The following PTPN5 variants were observed in gnomAD, a reference collection of about 807,000 sequenced individuals.
PTPN5 encodes the protein tyrosine-protein phosphatase non-receptor type 5.
In PTPN5, 29 loss-of-function variants were observed where a neutral mutation model predicts 73.9. That is an observed-to-expected ratio of 0.39 (90% confidence interval 0.29 to 0.54). The LOEUF (loss-of-function observed/expected upper bound fraction) is 0.54, where lower values mean the gene tolerates loss of function less well. Among genes scored for constraint, PTPN5 ranks in the 20% least tolerant of loss-of-function variants. The pLI, the probability that PTPN5 is intolerant of heterozygous loss-of-function variation, is 0.65. For missense variants in PTPN5, 652 were observed against 751.4 expected, an observed-to-expected ratio of 0.87 and a Z score of 1.55; for synonymous variants, 267 against 304.7, an observed-to-expected ratio of 0.88 and a Z score of 1.29.
At chr11:18,767,451 C>G (rs1850690809) in intron 2 of PTPN5, among the ~76,000 whole-genome samples, 1 of 152,230 alleles carries the variant, frequency 6.6e-6, no homozygotes, top group African/African-American at 2.4e-5. Context: ...TCTGGAGTCC[C>G]TCCACATTTC....
In PTPN5 at chr11:18,733,990, G is replaced by A. The variant is rs915216423; in HGVS notation, c.1001-355C>T. Among the ~76,000 whole-genome samples the A allele has an allele frequency of 7.9e-5, 12 of 152,350 alleles. No individual in the cohort carries two copies. The highest frequency in any genetic ancestry group is 2.1e-4 in the South Asian group (1 of 4,830). On this transcript the variant is annotated intron_variant, in intron 9 of 14. Transcript: ENST00000358540. The surrounding 1 kb of genome is among the most constrained non-coding windows in gnomAD (Gnocchi z 4.3). ...CCTGTACAGATCTTGTTCAGCAAGA[G>A]ACAGCTAGCTTGAGTACACACTGTC...
chr11:18,735,110 C>A (rs921275996), intron 9 of PTPN5, among the ~76,000 whole-genome samples: 2 of 152,182 alleles, frequency 1.3e-5, no homozygotes, highest in South Asian at 4.1e-4. Context: ...AGGACCAACA[C>A]GAAGTATCAG....
chr11:18,753,302 T>C (rs1849977313), intron 3 of PTPN5, among the ~76,000 whole-genome samples: 1 of 152,200 alleles, frequency 6.6e-6, no homozygotes, highest in African/African-American at 2.4e-5. Context: ...TCTCTGGCTG[T>C]GTGATCTTCG....
At chr11:18,747,768 C>T (rs566704069) in intron 3 of PTPN5, among the ~76,000 whole-genome samples, 1 of 152,282 alleles carries the variant, frequency 6.6e-6, no homozygotes, top group South Asian at 2.1e-4. Flanking sequence ...TATAATCTCA[C>T]TGACCTTAAA....
intron 9 of PTPN5, among the ~76,000 whole-genome samples, chr11:18,736,562 A>C (rs1590492178): frequency 6.6e-6 from 1 of 152,010 alleles, no homozygotes; most frequent in African/African-American, 2.4e-5. Flanking sequence ...GAGAGAACAA[A>C]CCTCAGCGCG....
intron 1 of PTPN5, among the ~76,000 whole-genome samples, chr11:18,787,993 A>G (rs1472333659): frequency 6.6e-6 from 1 of 152,148 alleles, no homozygotes; most frequent in Non-Finnish European, 1.5e-5. Flanking sequence ...GTAGATTCAT[A>G]GTCCCTACTC....
intron 1 of PTPN5, among the ~76,000 whole-genome samples, chr11:18,785,706 C>A (rs554934877): frequency 6.6e-6 from 1 of 152,118 alleles, no homozygotes; most frequent in Non-Finnish European, 1.5e-5. Context: ...GAATGGGAGG[C>A]GAGGGGCTGT....
intron 3 of PTPN5, among the ~76,000 whole-genome samples, chr11:18,753,622 T>C (rs2134259250): frequency 6.6e-6 from 1 of 152,292 alleles, no homozygotes; most frequent in South Asian, 2.1e-4. Flanking sequence ...TTGGAACCAG[T>C]ATGGGAAGCA....
At chr11:18,743,452 G>A in intron 4 of PTPN5, 23 bp from the exon 5 acceptor site, 2 of 1,603,108 alleles carry the variant, frequency 1.2e-6, no homozygotes, top group Non-Finnish European at 1.7e-6. Context: ...GGAGCAGGCT[G>A]AGTATGGAGC....
Position 18,729,109 on chromosome 11 carries a change from A to C in PTPN5, c.1605-82T>G. The C allele has an allele frequency of 6.9e-7, 1 of 1,442,198 alleles. No homozygotes were observed. 89.3% of individuals were successfully genotyped at this position (1,442,198 alleles called of 1,614,324 possible). ...GTGCCCCAAAAGCCATGGAGTAGCAATCACTTGCCAGGCCTTGCCCCTGTG... is the reference window on the plus strand; with the variant it reads ...GTGCCCCAAAAGCCATGGAGTAGCACTCACTTGCCAGGCCTTGCCCCTGTG... On this transcript the variant is annotated intron_variant, in intron 14 of 14. Transcript: ENST00000358540. This position sits in a 1 kb window ranked among gnomAD's most constrained non-coding sequence, Gnocchi z 5.2.
chr11:18,737,569 AAG>A (rs1849169920), intron 9 of PTPN5, among the ~76,000 whole-genome samples: 2 of 152,284 alleles, frequency 1.3e-5, no homozygotes, highest in Middle Eastern at 6.8e-3. Flanking sequence ...CCACTCTGAA[AAG>A]AGTTTCGGTT....
intron 2 of PTPN5, among the ~76,000 whole-genome samples, chr11:18,768,789 G>C (rs1300344474): frequency 6.6e-6 from 1 of 152,230 alleles, no homozygotes; most frequent in East Asian, 1.9e-4. Flanking sequence ...ACTGTCCAGA[G>C]GAGGGTTTAA....
At chr11:18,753,633 GAA>G (rs1849993912) in intron 3 of PTPN5, among the ~76,000 whole-genome samples, 1 of 152,204 alleles carries the variant, frequency 6.6e-6, no homozygotes, top group African/African-American at 2.4e-5. Flanking sequence ...ATGGGAAGCA[GAA>G]AAGTCTGGAA....
At chr11:18,772,370 G>A (rs1037711113) in intron 1 of PTPN5, among the ~76,000 whole-genome samples, 1 of 152,190 alleles carries the variant, frequency 6.6e-6, no homozygotes, top group Non-Finnish European at 1.5e-5. Context: ...GAATGAATAG[G>A]CTCTGAGCCC....
rs1278386834 is a variant in PTPN5, at chr11:18,743,004, G to A, written c.471C>T (p.Leu157=). 1 of 1,551,126 alleles carries A rather than the reference G, an allele frequency of 6.4e-7. No individual in the cohort carries two copies. Among genetic ancestry groups the A allele is most frequent in the Non-Finnish European group, 8.7e-7 (1 of 1,146,458 alleles). The stretch of plus-strand genomic sequence containing the variant: ...GGAGGCGCCTTACCAGGGTGGTAAC[G>A]AGGACCAGGCCCACGGACAGAAAGA... The part of the protein sequence containing the change: ...LLVFLSVGLV[L]VTTLVWHLLR... Residue 157 remains leucine (L), a synonymous_variant, in exon 6 of 15, where the codon CTC becomes CTT. Coordinates refer to ENST00000358540, the MANE Select transcript of PTPN5 (RefSeq NM_006906.2).
rs767195242 is a variant in PTPN5, at chr11:18,729,434, C to G, written c.1604+19G>C. 1.1e-5 allele frequency: 13 copies of G among 1,235,990 alleles called. 1 individual carries two copies. The South Asian group carries it at 1.3e-4, about 12-fold the overall frequency. The allele number at this position is 1,235,990 out of a possible 1,614,324, so 76.6% of individuals were successfully genotyped here. A position where few individuals can be genotyped will look rare whatever the true frequency, so the allele number is the denominator to read the frequency against. On this transcript the variant is annotated intron_variant, in intron 14 of 14. Transcript: ENST00000358540. This position sits in a 1 kb window ranked among gnomAD's most constrained non-coding sequence, Gnocchi z 5.2. ...GCTCTAGCTCCCTTGTGTGTCCCCACTCCCGCCCGTGGGCTGACCTGTCCT... is the reference window on the plus strand; with the variant it reads ...GCTCTAGCTCCCTTGTGTGTCCCCAGTCCCGCCCGTGGGCTGACCTGTCCT...
chr11:18,730,540 C>A (rs1848828608), intron 12 of PTPN5: 1 of 152,242 alleles, frequency 6.6e-6, no homozygotes, highest in South Asian at 2.1e-4. Context: ...GAGAACGGAG[C>A]CCTCACGAAT....
At chr11:18,739,157 G>A (rs1378386646) in intron 8 of PTPN5, among the ~76,000 whole-genome samples, 3 of 152,092 alleles carry the variant, frequency 2.0e-5, no homozygotes, top group Admixed American at 2.0e-4. Flanking sequence ...TTTGTAAAAT[G>A]AGGATCATCA....
chr11:18,788,049 C>T (rs994822075), intron 1 of PTPN5, among the ~76,000 whole-genome samples: 3 of 152,164 alleles, frequency 2.0e-5, no homozygotes, highest in African/African-American at 7.2e-5. Flanking sequence ...CTGTGAATGA[C>T]ATCCTTGGCC....
Sources: gnomAD v4.1 joint callset for allele counts (sites outside exome capture counted in the v4.1 genomes callset) on GRCh38, gnomAD v4.1.1 for gene constraint, Gnocchi (gnomAD v3.1) non-coding constraint, MANE v1.5 for transcripts, NCBI Gene and HGNC (gene_info 2026-07-23, HGNC 2026-07-21) for gene names.